MAPK8IP3: variants seen among roughly 807,000 people sequenced by gnomAD.
MAPK8IP3 encodes mitogen-activated protein kinase 8 interacting protein 3.
A neutral mutation model predicts 157.8 loss-of-function variants in MAPK8IP3; 49 were observed. The observed-to-expected ratio is 0.31, with a 90% CI of 0.25 to 0.39. The LOEUF is 0.39. Among genes scored for constraint, MAPK8IP3 ranks in the 10% least tolerant of loss-of-function variants. The pLI is 1.00. For missense variants in MAPK8IP3, 1,478 were observed against 1,889.4 expected (o/e 0.78, Z 4.04); for synonymous variants, 897 against 777.7 (o/e 1.15, Z -2.55).
chr16:1,745,231 G>A (rs2040893040), intron 5 of MAPK8IP3: 1 of 970,320 alleles, frequency 1.0e-6, no homozygotes, highest in South Asian at 4.8e-5. Flanking sequence ...AGCAGGCCGG[G>A]GACCCAGCGT....
rs1051456706 is a variant in MAPK8IP3 at position 1,710,931 on chromosome 16, C to T, written c.318+4274C>T. Among the ~76,000 whole-genome samples, 5 of 152,144 alleles carry T rather than the reference C, an allele frequency of 3.3e-5. No homozygotes were observed. Among genetic ancestry groups the T allele is most frequent in the Non-Finnish European group, 7.4e-5 (5 of 68,020 alleles). ...AAGTGGAGCAAATACATGTAGGAACCATGGAGAAGGAGGTACCTGCCAGCC... is the reference window on the plus strand; with the variant it reads ...AAGTGGAGCAAATACATGTAGGAACTATGGAGAAGGAGGTACCTGCCAGCC... On this transcript the variant is annotated intron_variant, in intron 1 of 31. Coordinates refer to ENST00000610761, the MANE Select transcript of MAPK8IP3 (RefSeq NM_001318852.2). This position sits in a 1 kb window ranked among gnomAD's most constrained non-coding sequence, Gnocchi z 4.1.
Position 1,706,379 on chromosome 16 carries a change from G to A in MAPK8IP3, c.40G>A (p.Val14Met). The change falls in exon 1 of 32, where the codon GTG becomes ATG. Residue 14 changes from valine to methionine, a missense_variant. By Grantham distance (21) the Val-to-Met change is conservative (BLOSUM62 1). Coordinates refer to ENST00000610761, the MANE Select transcript of MAPK8IP3 (RefSeq NM_001318852.2). This position sits in a 1 kb window ranked among gnomAD's most constrained non-coding sequence, Gnocchi z 5.1. ...IQMDEGGGVV[V>M]YQDDYCSGSV... The stretch of plus-strand genomic sequence containing the variant: ...GATGGACGAGGGCGGCGGCGTGGTG[G>A]TGTACCAGGACGACTACTGCTCCGG... 6.2e-7 allele frequency: 1 copy of A among 1,610,688 alleles called. No homozygotes were observed. The highest frequency in any genetic ancestry group is 1.3e-5 in the African/African-American group (1 of 74,974).
chr16:1,758,009 C>G, intron 8 of MAPK8IP3, 139 bp from the exon 9 acceptor site: 5 of 847,090 alleles, frequency 5.9e-6, no homozygotes, highest in Non-Finnish European at 9.6e-6. Flanking sequence ...GCTGCTCCCT[C>G]TCTCTCCTGC....
intron 8 of MAPK8IP3, among the ~76,000 whole-genome samples, chr16:1,757,832 T>C (rs903596813): frequency 6.6e-6 from 1 of 152,170 alleles, no homozygotes; most frequent in African/African-American, 2.4e-5. Context: ...CAGGCCTGCA[T>C]CATGGGGGCT....
At chr16:1,765,862 G>A in intron 20 of MAPK8IP3, 98 bp from the exon 21 acceptor site, 1 of 1,153,358 alleles carries the variant, frequency 8.7e-7, no homozygotes, top group Non-Finnish European at 1.2e-6. Flanking sequence ...GAAAGTGGAA[G>A]GCCAGCCCCG....
chr16:1,721,863 G>A (rs145741924), intron 1 of MAPK8IP3, among the ~76,000 whole-genome samples: 3,543 of 152,190 alleles, frequency 0.023, 60 homozygotes, highest in Non-Finnish European at 0.034. Context: ...TCCGCCTCCC[G>A]GGTTCAAGTG....
intron 1 of MAPK8IP3, among the ~76,000 whole-genome samples, chr16:1,712,809 C>T (rs1187680478): frequency 6.6e-6 from 1 of 152,228 alleles, no homozygotes; most frequent in African/African-American, 2.4e-5. Context: ...CTGCCGGATT[C>T]GCTGGTGTCT....
chr16:1,741,833 C>T lies in MAPK8IP3; in HGVS notation c.603-1499C>T, dbSNP rs762229360. On this transcript the variant is annotated intron_variant, in intron 4 of 31. Transcript: ENST00000610761. The surrounding 1 kb of genome is among the most constrained non-coding windows in gnomAD (Gnocchi z 6.9). The stretch of plus-strand genomic sequence containing the variant: ...CCTGGTTCCCTCGTGCTACAGGATA[C>T]GGTGTTGTCCTGAACATAACAGAGC... Among the ~76,000 whole-genome samples the T allele has an allele frequency of 6.6e-6, 1 of 152,132 alleles. No individual in the cohort carries two copies. Among genetic ancestry groups the T allele is most frequent in the African/African-American group, 2.4e-5 (1 of 41,416 alleles).
chr16:1,766,290 G>A lies in MAPK8IP3; in HGVS notation c.2700G>A (p.Thr900=), dbSNP rs538533818. 1.7e-5 allele frequency: 28 copies of A among 1,612,586 alleles called. No homozygotes were observed. The highest frequency in any genetic ancestry group is 1.0e-4 in the Admixed American group (6 of 60,010). The change falls in exon 22 of 32, where the codon ACG becomes ACA. Residue 900 remains threonine, a synonymous_variant. Transcript: ENST00000610761. ...SQSTEEATEA[T]EVPDPGPSEP... ...CCACAGAGGAGGCCACAGAGGCCAC[G>A]GAGGTGCCAGACCCTGGGCCCAGCG...
At chr16:1,727,107 G>A (rs757794244) in intron 2 of MAPK8IP3, among the ~76,000 whole-genome samples, 3 of 151,402 alleles carry the variant, frequency 2.0e-5, no homozygotes, top group African/African-American at 4.9e-5. Flanking sequence ...CGTGTGGAGC[G>A]TCTGTGTGAG....
intron 2 of MAPK8IP3, among the ~76,000 whole-genome samples, chr16:1,728,853 A>G (rs965949114): frequency 8.5e-5 from 12 of 140,552 alleles, no homozygotes; most frequent in Non-Finnish European, 1.5e-4. Flanking sequence ...ATGGCACAGC[A>G]CACACAGCAG....
At chr16:1,736,837 CGT>C (rs1341873554) in intron 4 of MAPK8IP3, among the ~76,000 whole-genome samples, 2 of 57,498 alleles carry the variant, frequency 3.5e-5, no homozygotes, top group African/African-American at 7.4e-5. Flanking sequence ...TCCGTGTGAG[CGT>C]GTGACCGTCC....
rs556865727 is a variant in MAPK8IP3, at chr16:1,751,496, G to A, written c.1216+2776G>A. On this transcript the variant is annotated intron_variant, in intron 8 of 31. Transcript: ENST00000610761. This position sits in a 1 kb window ranked among gnomAD's most constrained non-coding sequence, Gnocchi z 5.0. Reference sequence around the variant, plus strand: ...CTGAGGTCAGGGAGGGTGAGATGACGGTGAGAGCTCGGACTTGAACGCAGG... The same window carrying A: ...CTGAGGTCAGGGAGGGTGAGATGACAGTGAGAGCTCGGACTTGAACGCAGG... 2.0e-5 allele frequency: 3 copies of A among 152,150 alleles called. No individual in the cohort carries two copies. The highest frequency in any genetic ancestry group is 1.9e-4 in the East Asian group (1 of 5,162). 9.4% of individuals were successfully genotyped at this position (152,150 alleles called of 1,614,324 possible). A position where few individuals can be genotyped will look rare whatever the true frequency, so the allele number is the denominator to read the frequency against.
In MAPK8IP3 at chr16:1,742,056, C is replaced by T. The variant is rs958597990; in HGVS notation, c.603-1276C>T. 2.0e-5 allele frequency among the ~76,000 whole-genome samples: 3 copies of T among 152,154 alleles called. No homozygotes were observed. Among genetic ancestry groups the T allele is most frequent in the Non-Finnish European group, 2.9e-5 (2 of 68,024 alleles). On this transcript the variant is annotated intron_variant, in intron 4 of 31. Transcript: ENST00000610761. This position sits in a 1 kb window ranked among gnomAD's most constrained non-coding sequence, Gnocchi z 5.0. ...AGGAAGCTCCCTTCCCTCCTACAGT[C>T]TCAGGGCTGAGATGTAAGCAGCTGA...
rs1395882424 is a variant in MAPK8IP3 at position 1,762,957 on chromosome 16, A to G, written c.1849A>G (p.Met617Val). Reference protein sequence around the residue: ...AGFSQRRNHAMCPISAGSRPL... With the variant: ...AGFSQRRNHAVCPISAGSRPL... ...CTTCAGCCAGCGCCGCAACCATGCCATGTGCCCGATCTCGGCAGGCAGCCG... is the reference window on the plus strand; with the variant it reads ...CTTCAGCCAGCGCCGCAACCATGCCGTGTGCCCGATCTCGGCAGGCAGCCG... The change falls in exon 16 of 32, where the codon ATG becomes GTG. Residue 617 changes from methionine (M) to valine (V), a missense_variant. Around this residue, in one of 11 missense-constraint regions of MAPK8IP3, gnomAD observed 669 missense variants for 759.8 expected, o/e 0.88. Transcript: ENST00000610761. The G allele has an allele frequency of 1.9e-6, 3 of 1,612,956 alleles. No homozygotes were observed. Among genetic ancestry groups the G allele is most frequent in the Non-Finnish European group, 2.5e-6 (3 of 1,179,986 alleles).
At chr16:1,739,485 CAT>C (rs1491134198) in intron 4 of MAPK8IP3, among the ~76,000 whole-genome samples, 2 of 85,310 alleles carry the variant, frequency 2.3e-5, no homozygotes, top group Admixed American at 1.2e-4. Context: ...TCCGTGTGAG[CAT>C]GTGTGACCGT....
At chr16:1,717,154 TGAACCCAGGAGGCGGA>T in intron 1 of MAPK8IP3, among the ~76,000 whole-genome samples, 1 of 150,202 alleles carries the variant, frequency 6.7e-6, no homozygotes, top group Admixed American at 6.7e-5. Context: ...GAGAATCACT[TGAACCCAGGAGGCGGA>T]GGTTGCAGTG....
Position 1,762,376 on chromosome 16 carries a change from G to A in MAPK8IP3, c.1565G>A (p.Arg522His). ...ESDKIPMAQRRRFTRVEMARV... is the reference protein window; with the variant it reads ...ESDKIPMAQRHRFTRVEMARV... ...GACAAAATCCCCATGGCCCAGCGCC[G>A]CCGCTTCACGCGGGTGGAGATGGCC... Residue 522 changes from arginine (R) to histidine (H), a missense_variant, in exon 14 of 32, where the codon CGC (arginine) becomes CAC (histidine). Coordinates refer to ENST00000610761, the MANE Select transcript of MAPK8IP3 (RefSeq NM_001318852.2). 6.3e-7 allele frequency: 1 copy of A among 1,584,812 alleles called. No homozygotes were observed. Among genetic ancestry groups the A allele is most frequent in the Non-Finnish European group, 8.6e-7 (1 of 1,165,762 alleles).
rs774992882 is a variant in MAPK8IP3 at position 1,728,026 on chromosome 16, G to C, written c.440-1112G>C. ...ACTCCCTGGGGCTGTCTCTCACCTC[G>C]TGGCGTCAGCCCTCCCCATTGGTGG... On this transcript the variant is annotated intron_variant, in intron 2 of 31. Coordinates refer to ENST00000610761, the MANE Select transcript of MAPK8IP3 (RefSeq NM_001318852.2). Among the ~76,000 whole-genome samples, 216 of 152,262 alleles carry C rather than the reference G, an allele frequency of 1.4e-3. 2 individuals carry two copies. The highest frequency in any genetic ancestry group is 3.2e-3 in the Middle Eastern group (1 of 316).
Sources: allele counts gnomAD v4.1 joint callset (sites outside exome capture counted in the v4.1 genomes callset), GRCh38; gene constraint gnomAD v4.1.1; regional missense constraint gnomAD v4.1.1; non-coding constraint Gnocchi (gnomAD v3.1); transcripts MANE v1.5; gene names NCBI Gene and HGNC (gene_info 2026-07-23, HGNC 2026-07-21).